The following ADARB2 variants were observed in gnomAD, a reference collection of about 807,000 sequenced individuals.
The protein encoded by ADARB2 is adenosine deaminase RNA specific B2 (inactive).
In ADARB2, 25 loss-of-function variants were observed where a neutral mutation model predicts 62.2. That is an observed-to-expected ratio of 0.40 (90% CI 0.29 to 0.56). ADARB2 has a LOEUF of 0.56. Among genes scored for constraint, ADARB2 ranks in the 20% least tolerant of loss-of-function variants. ADARB2 has a pLI of 0.43. For synonymous variants in ADARB2, 572 were observed against 500.8 expected, an observed-to-expected ratio of 1.14 and a Z score of -1.90; for missense variants, 1,071 against 1,077.4, an observed-to-expected ratio of 0.99 and a Z score of 0.08.
intron 1 of ADARB2, among the ~76,000 whole-genome samples, chr10:1,437,694 C>T (rs1830849062): frequency 6.6e-6 from 1 of 152,140 alleles, no homozygotes; most frequent in Admixed American, 6.5e-5. Context: ...GGAAGAGCGT[C>T]CTGGGCAGGA....
At chr10:1,662,421 C>T (rs995009927) in intron 1 of ADARB2, among the ~76,000 whole-genome samples, 3 of 152,160 alleles carry the variant, frequency 2.0e-5, no homozygotes, top group Non-Finnish European at 4.4e-5. Flanking sequence ...CCATGGACCC[C>T]TTCCCCCACC....
chr10:1,379,001 T>G, intron 2 of ADARB2, 73 bp downstream of exon 2: 1 of 1,317,526 alleles, frequency 7.6e-7, no homozygotes, highest in Non-Finnish European at 1.1e-6. Flanking sequence ...TCTCAGGTTT[T>G]GGGGACTGCA....
At chr10:1,186,100 G>C (rs75217345) in intron 8 of ADARB2, among the ~76,000 whole-genome samples, 2,710 of 152,286 alleles carry the variant, frequency 0.018, 97 homozygotes, top group African/African-American at 0.061. Flanking sequence ...GCTGAGCCCC[G>C]CCAATTCATT....
intron 1 of ADARB2, among the ~76,000 whole-genome samples, chr10:1,480,208 A>G (rs1316079791): frequency 6.6e-6 from 1 of 152,236 alleles, no homozygotes; most frequent in Non-Finnish European, 1.5e-5. Flanking sequence ...GCAAGATGAA[A>G]GAAGTAAAAG....
intron 3 of ADARB2, among the ~76,000 whole-genome samples, chr10:1,287,245 C>T (rs994250997): frequency 2.6e-5 from 4 of 152,046 alleles, no homozygotes; most frequent in African/African-American, 7.2e-5. Flanking sequence ...ACATAGTTAG[C>T]CTTTTAGAGT....
intron 6 of ADARB2, among the ~76,000 whole-genome samples, chr10:1,232,973 C>T (rs377277831): frequency 2.0e-5 from 3 of 151,884 alleles, no homozygotes; most frequent in Admixed American, 6.6e-5. Flanking sequence ...GTGACATATG[C>T]AGATAGCACT....
chr10:1,672,752 T>C (rs1393687461), intron 1 of ADARB2, among the ~76,000 whole-genome samples: 16 of 67,376 alleles, frequency 2.4e-4, no homozygotes, highest in East Asian at 7.2e-4. Flanking sequence ...CCTCCCTCCC[T>C]CCACGCACAC....
chr10:1,251,609 C>T (rs1389046442), intron 4 of ADARB2, among the ~76,000 whole-genome samples: 2 of 152,080 alleles, frequency 1.3e-5, no homozygotes, highest in Non-Finnish European at 2.9e-5. Flanking sequence ...ATGCATATGT[C>T]ATAAATAAAA....
In ADARB2 at chr10:1,380,405, T is replaced by G. The variant is rs1354575806; in HGVS notation, c.101-1245A>C. Among the ~76,000 whole-genome samples, 4 of 152,206 alleles carry G rather than the reference T, an allele frequency of 2.6e-5. 1 individual carries two copies. The South Asian group carries it at 8.3e-4, about 32-fold the overall frequency. ...CGGGATTTCCCAGGAGGTCACTGAG[T>G]TTACATCACCCTGTAACAAGGACGG... On this transcript the variant is annotated intron_variant, in intron 1 of 9. Transcript: ENST00000381312.
At chr10:1,379,463 T>A (rs921395439) in intron 1 of ADARB2, among the ~76,000 whole-genome samples, 1 of 152,184 alleles carries the variant, frequency 6.6e-6, no homozygotes. Flanking sequence ...TTGCATCTGT[T>A]TACAAAATCC....
intron 1 of ADARB2, among the ~76,000 whole-genome samples, chr10:1,671,147 C>T (rs923635614): frequency 1.3e-5 from 2 of 152,218 alleles, no homozygotes; most frequent in Admixed American, 6.5e-5. Flanking sequence ...CTCCCGGTTA[C>T]TTCTCCTCTT....
chr10:1,262,379 C>T (rs980421928), intron 4 of ADARB2, among the ~76,000 whole-genome samples: 7 of 151,118 alleles, frequency 4.6e-5, no homozygotes, highest in Admixed American at 4.6e-4. Context: ...ATTTTTGCAA[C>T]CCACTCATGT....
intron 3 of ADARB2, among the ~76,000 whole-genome samples, chr10:1,333,910 C>A (rs2387649): frequency 0.36 from 55,011 of 152,012 alleles, 10,141 homozygotes; most frequent in Middle Eastern, 0.43. Flanking sequence ...TGATGAAATA[C>A]AAACCTCTCA....
intron 7 of ADARB2, among the ~76,000 whole-genome samples, chr10:1,201,817 C>G (rs1836991226): frequency 1.0e-5 from 1 of 98,858 alleles, no homozygotes; most frequent in Non-Finnish European, 2.2e-5. Flanking sequence ...CTGCCTGGAT[C>G]TCGGATGGTG....
At chr10:1,614,103 A>G (rs1448539449) in intron 1 of ADARB2, among the ~76,000 whole-genome samples, 3 of 152,210 alleles carry the variant, frequency 2.0e-5, no homozygotes, top group Non-Finnish European at 4.4e-5. Context: ...GACAGCCTGA[A>G]AACCACCGAG....
At chr10:1,732,396 C>A (rs1835245967) in intron 1 of ADARB2, among the ~76,000 whole-genome samples, 1 of 151,970 alleles carries the variant, frequency 6.6e-6, no homozygotes, top group East Asian at 1.9e-4. Context: ...AACCGAGTCA[C>A]CCCTGTTTAG....
At chr10:1,359,015 T>C (rs1466122809) in intron 3 of ADARB2, among the ~76,000 whole-genome samples, 4 of 152,238 alleles carry the variant, frequency 2.6e-5, no homozygotes, top group African/African-American at 9.6e-5. Flanking sequence ...AGGAATTCTT[T>C]TGATGCTAGG....
intron 3 of ADARB2, among the ~76,000 whole-genome samples, chr10:1,277,499 T>G (rs558139241): frequency 1.3e-5 from 2 of 152,054 alleles, no homozygotes; most frequent in East Asian, 3.9e-4. Context: ...AACTAGAAAA[T>G]CTAGAAGAAA....
intron 3 of ADARB2, among the ~76,000 whole-genome samples, chr10:1,350,486 C>G (rs1832125823): frequency 6.6e-6 from 1 of 152,204 alleles, no homozygotes; most frequent in Non-Finnish European, 1.5e-5. Context: ...CACACCTGGT[C>G]TGACTTACAG....
Sources: gnomAD v4.1 joint callset for allele counts (sites outside exome capture counted in the v4.1 genomes callset) on GRCh38, gnomAD v4.1.1 for gene constraint, MANE v1.5 for transcripts, NCBI Gene and HGNC (gene_info 2026-07-23, HGNC 2026-07-21) for gene names.